Variants in ACSBG1 observed in about 807,000 individuals in gnomAD.
ACSBG1 encodes the protein acyl-CoA synthetase bubblegum family member 1, also known as long-chain-fatty-acid--CoA ligase ACSBG1.
A neutral mutation model predicts 80.2 loss-of-function variants in ACSBG1; 39 were observed. The ratio of observed to expected loss-of-function variants is 0.49; its 90% confidence interval spans 0.38 to 0.64. The LOEUF (loss-of-function observed/expected upper bound fraction) is 0.64, where lower values mean the gene tolerates loss of function less well. ACSBG1 is among the 30% of genes least tolerant of loss of function. ACSBG1 has a pLI of 0.00. For synonymous variants in ACSBG1, 392 were observed against 379.5 expected (o/e 1.03, Z -0.38); for missense variants, 828 against 966.4 (o/e 0.86, Z 1.90).
Position 78,177,394 on chromosome 15 carries a change from T to C in ACSBG1, c.1702+1220A>G, listed in dbSNP as rs992202553. On this transcript the variant is annotated intron_variant, in intron 11 of 13. Coordinates refer to ENST00000258873, the MANE Select transcript of ACSBG1 (RefSeq NM_015162.5). The surrounding 1 kb of genome is among the most constrained non-coding windows in gnomAD (Gnocchi z 4.1). Reference sequence around the variant, plus strand: ...GCAAGGCCATGGGGAAAGGATGCTGTGTCCGTTGGATATGTATTTGGAGAA... The same window carrying C: ...GCAAGGCCATGGGGAAAGGATGCTGCGTCCGTTGGATATGTATTTGGAGAA... 2.6e-5 allele frequency among the ~76,000 whole-genome samples: 4 copies of C among 152,220 alleles called. No homozygotes were observed. Among genetic ancestry groups the C allele is most frequent in the African/African-American group, 9.6e-5 (4 of 41,456 alleles).
chr15:78,180,760 G>C lies in ACSBG1; in HGVS notation c.1248C>G (p.Pro416=). The C allele has an allele frequency of 6.2e-7, 1 of 1,613,776 alleles. No individual in the cohort carries two copies. Among genetic ancestry groups the C allele is most frequent in the African/African-American group, 1.3e-5 (1 of 75,050 alleles). The change falls in exon 9 of 14, where the codon CCC becomes CCG. Residue 416 remains proline, a synonymous_variant. Coordinates refer to ENST00000258873, the MANE Select transcript of ACSBG1 (RefSeq NM_015162.5). ...CGCCCGTGGGCCCTCTGTACCTGCC[G>C]GGGCAGGTGAGGTTCTGCTCCAAGG... ...SVTLEQNLTC[P]GSDLKPFTTR...
chr15:78,205,110 C>A (rs2141363622), intron 2 of ACSBG1, among the ~76,000 whole-genome samples: 1 of 152,224 alleles, frequency 6.6e-6, no homozygotes, highest in Non-Finnish European at 1.5e-5. Flanking sequence ...CTCGATGCTG[C>A]CCTTCTCCTG....
At chr15:78,182,868 G>A (rs892006332) in intron 5 of ACSBG1, 83 bp from the exon 6 acceptor site, 16 of 1,498,214 alleles carry the variant, frequency 1.1e-5, no homozygotes, top group Admixed American at 1.0e-4. Flanking sequence ...TGTGTGAGTC[G>A]GCTTAGTAAA....
chr15:78,214,558 G>A (rs990016186), intron 1 of ACSBG1, among the ~76,000 whole-genome samples: 3 of 152,102 alleles, frequency 2.0e-5, no homozygotes, highest in Admixed American at 1.3e-4. Flanking sequence ...TCCTGCCTCA[G>A]CCTCCTGAGT....
At chr15:78,211,946 A>G (rs1462107999) in intron 1 of ACSBG1, among the ~76,000 whole-genome samples, 4 of 152,210 alleles carry the variant, frequency 2.6e-5, no homozygotes, top group Admixed American at 1.3e-4. Flanking sequence ...TCCTCTGGCC[A>G]TGAGTACTTA....
At chr15:78,215,885 T>C (rs1216253461) in intron 1 of ACSBG1, among the ~76,000 whole-genome samples, 1 of 152,116 alleles carries the variant, frequency 6.6e-6, no homozygotes, top group Admixed American at 6.5e-5. Context: ...TTGGGAAATG[T>C]GTAATCTACC....
intron 2 of ACSBG1, among the ~76,000 whole-genome samples, chr15:78,202,792 C>T (rs2075180651): frequency 6.6e-6 from 1 of 152,142 alleles, no homozygotes; most frequent in African/African-American, 2.4e-5. Flanking sequence ...ACTTAGCAAT[C>T]ATACTTTCTG....
At chr15:78,211,249 G>A (rs552862459) in intron 1 of ACSBG1, among the ~76,000 whole-genome samples, 172 of 152,368 alleles carry the variant, frequency 1.1e-3, no homozygotes, top group African/African-American at 4.0e-3. Flanking sequence ...CAGGTGAGTT[G>A]ATATTACTGT....
chr15:78,233,108 T>C (rs1022915153), intron 1 of ACSBG1, among the ~76,000 whole-genome samples: 2 of 152,198 alleles, frequency 1.3e-5, no homozygotes, highest in Admixed American at 6.5e-5. Flanking sequence ...GAATCTGCCC[T>C]TGGGTGAGGA....
At chr15:78,189,851 A>C (rs906105291) in intron 5 of ACSBG1, among the ~76,000 whole-genome samples, 2 of 151,996 alleles carry the variant, frequency 1.3e-5, no homozygotes, top group African/African-American at 4.8e-5. Context: ...ATAAAAATAA[A>C]TTTAAAAAAG....
intron 1 of ACSBG1, among the ~76,000 whole-genome samples, chr15:78,229,685 A>T (rs1042274618): frequency 3.3e-5 from 5 of 152,082 alleles, no homozygotes; most frequent in Non-Finnish European, 5.9e-5. Context: ...CCTGGGCCAG[A>T]TGGGACCCTT....
intron 1 of ACSBG1, among the ~76,000 whole-genome samples, chr15:78,210,860 A>C (rs11072742): frequency 0.5 from 75,792 of 152,066 alleles, 19,444 homozygotes; most frequent in Middle Eastern, 0.69. Context: ...GCGATCCTCT[A>C]GCCTTGGCCT....
At position 78,231,382 on chromosome 15, in the gene ACSBG1, C is replaced by T. The variant is rs536276172; in HGVS notation, c.131+2989G>A. Among the ~76,000 whole-genome samples, 50 of 151,878 alleles carry T rather than the reference C, an allele frequency of 3.3e-4. No homozygotes were observed. In the Middle Eastern group the frequency reaches 0.01, roughly 31 times the overall value. ...CTGACCTCAGGTGATCTGCCCACCTCGGCCTCCCAAAGTACGGGGATTACA... is the reference window on the plus strand; with the variant it reads ...CTGACCTCAGGTGATCTGCCCACCTTGGCCTCCCAAAGTACGGGGATTACA... On this transcript the variant is annotated intron_variant, in intron 1 of 13. Coordinates refer to ENST00000258873, the MANE Select transcript of ACSBG1 (RefSeq NM_015162.5).
rs1338469369 is a variant in ACSBG1 at position 78,207,915 on chromosome 15, G to A, written c.232+87C>T. The A allele has an allele frequency of 1.6e-5, 15 of 925,348 alleles. No homozygotes were observed. In the Admixed American group the frequency reaches 2.4e-4, roughly 15 times the overall value. The allele number at this position is 925,348 out of a possible 1,614,324, so 57.3% of individuals were successfully genotyped here. ...GCTCCTTCCCGCAGTTCTGTGTGGT[G>A]GTCCCCCACACCACCCACCCCTCCA... On this transcript the variant is annotated intron_variant, in intron 2 of 13. Coordinates refer to ENST00000258873, the MANE Select transcript of ACSBG1 (RefSeq NM_015162.5).
chr15:78,205,458 C>T (rs147108150), intron 2 of ACSBG1, among the ~76,000 whole-genome samples: 4,953 of 152,236 alleles, frequency 0.033, 119 homozygotes, highest in Middle Eastern at 0.054. Flanking sequence ...GCTGGCCAGA[C>T]TTGTGGGGGC....
chr15:78,230,163 G>T (rs2075434692), intron 1 of ACSBG1, among the ~76,000 whole-genome samples: 1 of 152,208 alleles, frequency 6.6e-6, no homozygotes, highest in Non-Finnish European at 1.5e-5. Context: ...CTGATGGAGG[G>T]CATGGTCTAC....
chr15:78,179,648 G>A lies in ACSBG1; in HGVS notation c.1386C>T (p.Phe462=). 1 of 1,614,206 alleles carries A rather than the reference G, an allele frequency of 6.2e-7. No homozygotes were observed. Among genetic ancestry groups the A allele is most frequent in the Non-Finnish European group, 8.5e-7 (1 of 1,180,040 alleles). Residue 462 remains phenylalanine (F), a synonymous_variant, in exon 10 of 14, where the codon TTC becomes TTT. Transcript: ENST00000258873. ...AAPMMAETQH[F]FLGLNIRLYA... ...ACAAGCGGATGTTGAGACCCAGGAAGAAGTGCTGTGTCTCTGCCATCATGG... is the reference window on the plus strand; with the variant it reads ...ACAAGCGGATGTTGAGACCCAGGAAAAAGTGCTGTGTCTCTGCCATCATGG...
intron 1 of ACSBG1, among the ~76,000 whole-genome samples, chr15:78,230,594 C>A (rs1200622577): frequency 6.6e-6 from 1 of 152,174 alleles, no homozygotes; most frequent in Non-Finnish European, 1.5e-5. Context: ...CTGGAATTCC[C>A]ATGTGTTGTG....
At chr15:78,190,226 T>G (rs949273284) in intron 5 of ACSBG1, among the ~76,000 whole-genome samples, 2 of 46,012 alleles carry the variant, frequency 4.3e-5, no homozygotes, top group Non-Finnish European at 8.1e-5. Context: ...CTGGGCAACA[T>G]AGCAAGACTC....
Sources: gnomAD v4.1 joint callset for allele counts (sites outside exome capture counted in the v4.1 genomes callset) on GRCh38, gnomAD v4.1.1 for gene constraint, Gnocchi (gnomAD v3.1) non-coding constraint, MANE v1.5 for transcripts, NCBI Gene and HGNC (gene_info 2026-07-23, HGNC 2026-07-21) for gene names.